DCLRE1B: variants seen among roughly 807,000 people sequenced by gnomAD.
DCLRE1B encodes 5' exonuclease Apollo.
DCLRE1B carries 6 observed loss-of-function variants against 19.8 expected under a neutral mutation model. That is an observed-to-expected ratio of 0.30 (90% CI 0.17 to 0.60). The LOEUF is 0.60. Ranked by LOEUF, DCLRE1B falls within the 20% of genes least tolerant of loss-of-function variation. The probability of loss-of-function intolerance (pLI) is 0.87; values close to 1 mark genes in which losing one functional copy is unlikely to be tolerated. For missense variants in DCLRE1B, 622 were observed against 654.2 expected (o/e 0.95, Z 0.54); for synonymous variants, 258 against 255.7 (o/e 1.01, Z -0.09).
intron 3 of DCLRE1B, among the ~76,000 whole-genome samples, chr1:113,910,459 C>T (rs187736439): frequency 9.1e-4 from 138 of 152,240 alleles, no homozygotes; most frequent in Non-Finnish European, 1.2e-3. Flanking sequence ...TTTAGCCTAA[C>T]GTTCCCTAAC....
At chr1:113,909,806 C>T (rs1351252661) in intron 3 of DCLRE1B, among the ~76,000 whole-genome samples, 1 of 152,084 alleles carries the variant, frequency 6.6e-6, no homozygotes, top group Admixed American at 6.6e-5. Context: ...TTGGAGGGCT[C>T]ACAGTCTGGT....
At chr1:113,908,266 A>C in intron 3 of DCLRE1B, 75 bp downstream of exon 3, 1 of 1,544,004 alleles carries the variant, frequency 6.5e-7, no homozygotes. Flanking sequence ...CACATCTTTC[A>C]GATCTTTGTG....
rs369506973 is a variant in DCLRE1B, at chr1:113,907,234, T to TTTTA, written c.355+73_355+74insTTTA. Reference sequence around the variant, plus strand: ...TTTTTTTTTTTTTTTTTTTTTTTTTTAATGTATAGACTGGGGCCTCGCAGT... The same window carrying TTTTA: ...TTTTTTTTTTTTTTTTTTTTTTTTTTTTTAAATGTATAGACTGGGGCCTCGCAGT... On this transcript the variant is annotated intron_variant, in intron 2 of 3. Coordinates refer to ENST00000650450, the MANE Select transcript of DCLRE1B (RefSeq NM_022836.4). 5.7e-4 allele frequency: 560 copies of TTTTA among 991,052 alleles called. 21 individuals are homozygous for TTTTA. Among genetic ancestry groups the TTTTA allele is most frequent in the East Asian group, 1.5e-3 (43 of 28,536 alleles). The allele number at this position is 991,052 out of a possible 1,614,324, so 61.4% of individuals were successfully genotyped here. A position where few individuals can be genotyped will look rare whatever the true frequency, so the allele number is the denominator to read the frequency against.
intron 1 of DCLRE1B, 78 bp downstream of exon 1, chr1:113,905,853 T>C: frequency 6.8e-7 from 1 of 1,463,108 alleles, no homozygotes; most frequent in Non-Finnish European, 9.1e-7. Context: ...CTTGGAGTCA[T>C]AGAATGGGGG....
At position 113,905,379 on chromosome 1, in the gene DCLRE1B, C is replaced by G. The variant is rs1318557990; in HGVS notation, c.-208C>G. On this transcript the variant is annotated 5_prime_UTR_variant, in exon 1 of 4. Transcript: ENST00000650450. The stretch of plus-strand genomic sequence containing the variant: ...CCCGCGCGGTTGGGAGTGTCCAGCG[C>G]CCTCCGCGATTTGGGCTCCAGCGGG... 6 of 591,816 alleles carry G rather than the reference C, an allele frequency of 1.0e-5. No individual in the cohort carries two copies. The highest frequency in any genetic ancestry group is 3.8e-5 in the African/African-American group (2 of 53,028). 36.7% of individuals were successfully genotyped at this position (591,816 alleles called of 1,614,324 possible).
chr1:113,907,304 C>T (rs543481540), intron 2 of DCLRE1B, 143 bp downstream of exon 2: 15 of 744,072 alleles, frequency 2.0e-5, no homozygotes, highest in African/African-American at 6.0e-5. Context: ...GCAATCCTCC[C>T]GCTTCAGCCT....
In DCLRE1B at chr1:113,906,979, A is replaced by C. The variant is rs754097786; in HGVS notation, c.190-17A>C. The C allele has an allele frequency of 6.2e-7, 1 of 1,613,602 alleles. No individual in the cohort carries two copies. Among genetic ancestry groups the C allele is most frequent in the Non-Finnish European group, 8.5e-7 (1 of 1,179,730 alleles). ...AGAGGAGTCAGTGGTCACTGGGATGACTAACTGTTTTCTCAGGTATCTAAG... is the reference window on the plus strand; with the variant it reads ...AGAGGAGTCAGTGGTCACTGGGATGCCTAACTGTTTTCTCAGGTATCTAAG... On this transcript the variant is annotated splice_polypyrimidine_tract_variant and intron_variant, in intron 1 of 3. Coordinates refer to ENST00000650450, the MANE Select transcript of DCLRE1B (RefSeq NM_022836.4).
At position 113,912,207 on chromosome 1, in the gene DCLRE1B, G is replaced by A; in HGVS notation, c.*16G>A. 1 of 1,584,138 alleles carries A rather than the reference G, an allele frequency of 6.3e-7. No individual in the cohort carries two copies. The highest frequency in any genetic ancestry group is 1.7e-4 in the Middle Eastern group (1 of 5,848). Reference sequence around the variant, plus strand: ...ACCCTGCTGAAGACAGGAGAGTACAGAATGACAACATTGAGCCCACACTGC... The same window carrying A: ...ACCCTGCTGAAGACAGGAGAGTACAAAATGACAACATTGAGCCCACACTGC... On this transcript the variant is annotated 3_prime_UTR_variant, in exon 4 of 4. Transcript: ENST00000650450.
At chr1:113,910,187 G>A (rs1004867893) in intron 3 of DCLRE1B, among the ~76,000 whole-genome samples, 1 of 152,054 alleles carries the variant, frequency 6.6e-6, no homozygotes. Flanking sequence ...GCCCTGCTCT[G>A]AGCATATTAT....
intron 1 of DCLRE1B, 22 bp from the exon 2 acceptor site, chr1:113,906,974 G>C (rs535075081): frequency 6.2e-7 from 1 of 1,613,254 alleles, no homozygotes; most frequent in South Asian, 1.1e-5. Flanking sequence ...GTGGTCACTG[G>C]GATGACTAAC....
intron 2 of DCLRE1B, among the ~76,000 whole-genome samples, chr1:113,907,418 T>G (rs1669077229): frequency 6.6e-6 from 1 of 151,802 alleles, no homozygotes; most frequent in Non-Finnish European, 1.5e-5. Flanking sequence ...CCTTCTAACT[T>G]CATCACATAT....
At chr1:113,907,384 A>G (rs1019665420) in intron 2 of DCLRE1B, among the ~76,000 whole-genome samples, 3 of 151,818 alleles carry the variant, frequency 2.0e-5, no homozygotes, top group African/African-American at 7.3e-5. Context: ...CCTTAACTCA[A>G]TAGAAGTCTG....
chr1:113,909,694 C>A (rs1017165016), intron 3 of DCLRE1B, among the ~76,000 whole-genome samples: 1 of 152,086 alleles, frequency 6.6e-6, no homozygotes, highest in African/African-American at 2.4e-5. Context: ...CTATAGTAAG[C>A]CTTAATTAAT....
rs369506973 is a variant in DCLRE1B, at chr1:113,907,234, T to TTTTTTTTA, written c.355+73_355+74insTTTTTTTA. On this transcript the variant is annotated intron_variant, in intron 2 of 3. Transcript: ENST00000650450. ...TTTTTTTTTTTTTTTTTTTTTTTTT[T>TTTTTTTTA]AATGTATAGACTGGGGCCTCGCAGT... The TTTTTTTTA allele has an allele frequency of 8.7e-5, 86 of 991,280 alleles. 1 individual carries two copies. Among genetic ancestry groups the TTTTTTTTA allele is most frequent in the South Asian group, 1.9e-4 (10 of 52,200 alleles). The allele number at this position is 991,280 out of a possible 1,614,324, so 61.4% of individuals were successfully genotyped here.
chr1:113,909,856 T>G (rs28381077), intron 3 of DCLRE1B, among the ~76,000 whole-genome samples: 1,899 of 152,216 alleles, frequency 0.012, 25 homozygotes, highest in African/African-American at 0.04. Context: ...GGAATATATA[T>G]AGAGAGAAGA....
chr1:113,911,223 G>C lies in DCLRE1B; in HGVS notation c.631G>C (p.Val211Leu). Residue 211 changes from valine to leucine, a missense_variant, in exon 4 of 4, where the codon GTA (valine) becomes CTA (leucine). Around this residue, in one of 3 missense-constraint regions of DCLRE1B, gnomAD observed 382 missense variants for 412.5 expected, o/e 0.93. Transcript: ENST00000650450. ...ATTGAGTCCTCGGCGCCTGGAGTTG[G>C]TACAGCTACTGGGCCTGGCAGATGT... is the stretch of plus-strand genomic sequence containing the variant. ...VVLSPRRLEL[V>L]QLLGLADVFT... The C allele has an allele frequency of 6.2e-7, 1 of 1,614,168 alleles. No homozygotes were observed. Among genetic ancestry groups the C allele is most frequent in the Non-Finnish European group, 8.5e-7 (1 of 1,180,038 alleles).
chr1:113,907,233 T>C, intron 2 of DCLRE1B, 72 bp downstream of exon 2: 1 of 1,230,152 alleles, frequency 8.1e-7, no homozygotes, highest in Non-Finnish European at 1.1e-6. Flanking sequence ...TTTTTTTTTT[T>C]TAATGTATAG....
intron 3 of DCLRE1B, among the ~76,000 whole-genome samples, chr1:113,910,640 T>C (rs1571611958): frequency 6.6e-6 from 1 of 152,122 alleles, no homozygotes; most frequent in Non-Finnish European, 1.5e-5. Flanking sequence ...TACCAGGAAC[T>C]ATAGGCGTGC....
Position 113,905,347 on chromosome 1 carries a change from C to T in DCLRE1B, c.-240C>T. On this transcript the variant is annotated 5_prime_UTR_variant, in exon 1 of 4. Transcript: ENST00000650450. ...GCGCGCTTTGAGTGCCCGGCTCGGC[C>T]TCCGCTCCCGCGCGGTTGGGAGTGT... 2 of 521,682 alleles carry T rather than the reference C, an allele frequency of 3.8e-6. No homozygotes were observed. Among genetic ancestry groups the T allele is most frequent in the South Asian group, 2.6e-5 (1 of 38,370 alleles). The allele number at this position is 521,682 out of a possible 1,614,324, so 32.3% of individuals were successfully genotyped here.
Sources: gnomAD v4.1 joint callset for allele counts (sites outside exome capture counted in the v4.1 genomes callset) on GRCh38, gnomAD v4.1.1 for gene constraint, gnomAD v4.1.1 regional missense constraint, MANE v1.5 for transcripts, NCBI Gene and HGNC (gene_info 2026-07-23, HGNC 2026-07-21) for gene names.